TTC28: variants seen among roughly 807,000 people sequenced by gnomAD.
TTC28 encodes tetratricopeptide repeat protein 28.
TTC28 carries 61 observed loss-of-function variants against 198.0 expected under a neutral mutation model. The observed-to-expected ratio is 0.31, with a 90% CI of 0.25 to 0.38. The LOEUF (loss-of-function observed/expected upper bound fraction) is 0.38. TTC28 is among the 10% of genes least tolerant of loss of function. TTC28 has a pLI of 1.00. For missense variants in TTC28, 2,678 were observed against 3,164.0 expected (o/e 0.85, Z 3.69); for synonymous variants, 1,171 against 1,297.8 (o/e 0.90, Z 2.10).
At position 28,526,439 on chromosome 22, in the gene TTC28, C is replaced by A. The variant is rs139873642; in HGVS notation, c.381+103113G>T. 2.0e-5 allele frequency among the ~76,000 whole-genome samples: 3 copies of A among 152,236 alleles called. No homozygotes were observed. In the East Asian group the frequency reaches 5.8e-4, roughly 29 times the overall value. On this transcript the variant is annotated intron_variant, in intron 2 of 22. Transcript: ENST00000397906. ...ATAACTATTTGAAGGCAAAGAATAA[C>A]CAAAATCAGACAGAAAACAGAAGTG...
At chr22:28,572,920 G>A (rs1037343001) in intron 2 of TTC28, among the ~76,000 whole-genome samples, 1 of 152,082 alleles carries the variant, frequency 6.6e-6, no homozygotes, top group Non-Finnish European at 1.5e-5. Context: ...AGGCCAAAGT[G>A]GGAGGATTGC....
intron 12 of TTC28, among the ~76,000 whole-genome samples, chr22:28,047,686 TA>T (rs1939923384): frequency 2.6e-5 from 4 of 152,180 alleles, no homozygotes; most frequent in Middle Eastern, 3.2e-3. Context: ...CCTGTCCCAT[TA>T]CTCTCAGCAG....
intron 1 of TTC28, among the ~76,000 whole-genome samples, chr22:28,671,134 G>A (rs118037283): frequency 0.022 from 3,344 of 151,984 alleles, 54 homozygotes; most frequent in Middle Eastern, 0.031. Context: ...TTGTAGAGAA[G>A]AGGTGTTACT....
intron 5 of TTC28, among the ~76,000 whole-genome samples, chr22:28,210,151 A>G (rs1050648712): frequency 4.6e-5 from 7 of 152,160 alleles, no homozygotes. Flanking sequence ...ACCATCACCA[A>G]AGACCAAAGG....
At chr22:28,298,837 C>T (rs2044956344) in intron 3 of TTC28, among the ~76,000 whole-genome samples, 1 of 152,138 alleles carries the variant, frequency 6.6e-6, no homozygotes, top group Non-Finnish European at 1.5e-5. Flanking sequence ...CCAACAAAAC[C>T]CTTGTCATTC....
chr22:28,030,658 C>T (rs1454122649), intron 12 of TTC28, among the ~76,000 whole-genome samples: 2 of 152,220 alleles, frequency 1.3e-5, no homozygotes, highest in Non-Finnish European at 2.9e-5. Flanking sequence ...ACTGTATTCC[C>T]AGCACCTAGC....
At chr22:28,047,162 G>GT (rs1939900218) in intron 12 of TTC28, among the ~76,000 whole-genome samples, 1 of 152,214 alleles carries the variant, frequency 6.6e-6, no homozygotes, top group Non-Finnish European at 1.5e-5. Flanking sequence ...AGGAGGTGTT[G>GT]TCATGGCACC....
chr22:28,316,947 C>CT (rs950044869), intron 2 of TTC28, among the ~76,000 whole-genome samples: 12 of 150,510 alleles, frequency 8.0e-5, no homozygotes, highest in Admixed American at 2.7e-4. Flanking sequence ...AAATTTTTTT[C>CT]TTTTTTTTTA....
intron 2 of TTC28, among the ~76,000 whole-genome samples, chr22:28,516,669 T>A (rs2048793304): frequency 6.6e-6 from 1 of 152,116 alleles, no homozygotes; most frequent in Non-Finnish European, 1.5e-5. Context: ...AAATGATTAG[T>A]CGATGGGTGC....
At chr22:28,602,727 GAAGTA>G (rs1293681190) in intron 2 of TTC28, among the ~76,000 whole-genome samples, 1 of 152,062 alleles carries the variant, frequency 6.6e-6, no homozygotes, top group African/African-American at 2.4e-5. Context: ...CTTTGACAAT[GAAGTA>G]TAGTATATTT....
chr22:28,607,688 G>A (rs968457730), intron 2 of TTC28, among the ~76,000 whole-genome samples: 4 of 152,044 alleles, frequency 2.6e-5, no homozygotes, highest in South Asian at 2.1e-4. Flanking sequence ...AACTCTGGGC[G>A]AACTACTTAA....
chr22:28,192,500 G>A (rs190727338), intron 5 of TTC28, among the ~76,000 whole-genome samples: 8 of 152,032 alleles, frequency 5.3e-5, no homozygotes, highest in Admixed American at 4.6e-4. Flanking sequence ...AAACTTCTCT[G>A]AACTAAAGGA....
intron 12 of TTC28, among the ~76,000 whole-genome samples, chr22:28,065,296 G>T (rs1480956545): frequency 6.6e-6 from 1 of 152,236 alleles, no homozygotes; most frequent in Non-Finnish European, 1.5e-5. Context: ...GGATACTAAA[G>T]AAAGTATGGG....
At chr22:28,170,262 C>T (rs953890290) in intron 5 of TTC28, among the ~76,000 whole-genome samples, 12 of 151,816 alleles carry the variant, frequency 7.9e-5, no homozygotes, top group Admixed American at 3.3e-4. Flanking sequence ...CTGAGGCAGG[C>T]GGATCACGAG....
intron 5 of TTC28, among the ~76,000 whole-genome samples, chr22:28,167,678 G>GT (rs1300296067): frequency 6.6e-6 from 1 of 152,100 alleles, no homozygotes; most frequent in Non-Finnish European, 1.5e-5. Flanking sequence ...TCTCAAAATA[G>GT]TAAGAGCTAT....
chr22:28,568,439 T>C (rs941622263), intron 2 of TTC28, among the ~76,000 whole-genome samples: 1 of 152,196 alleles, frequency 6.6e-6, no homozygotes, highest in Non-Finnish European at 1.5e-5. Context: ...TCACAGATGA[T>C]ATGATGCTAT....
At chr22:28,081,256 C>G (rs1041109779) in intron 12 of TTC28, among the ~76,000 whole-genome samples, 2 of 152,062 alleles carry the variant, frequency 1.3e-5, no homozygotes, top group Admixed American at 6.6e-5. Flanking sequence ...TCTTGGCTCA[C>G]TGCAACCTCT....
chr22:28,679,091 C>T (rs1196719310), intron 1 of TTC28, among the ~76,000 whole-genome samples: 2 of 152,214 alleles, frequency 1.3e-5, no homozygotes, highest in Non-Finnish European at 2.9e-5. Flanking sequence ...CCAAACACAG[C>T]ACGAAGCTGA....
chr22:28,620,280 G>A (rs924355476), intron 2 of TTC28, among the ~76,000 whole-genome samples: 7 of 151,488 alleles, frequency 4.6e-5, no homozygotes, highest in African/African-American at 1.7e-4. Flanking sequence ...AACCAGAGAG[G>A]CAGAGGTGGC....
Sources: gnomAD v4.1 joint callset for allele counts (sites outside exome capture counted in the v4.1 genomes callset) on GRCh38, gnomAD v4.1.1 for gene constraint, MANE v1.5 for transcripts, NCBI Gene and HGNC (gene_info 2026-07-23, HGNC 2026-07-21) for gene names.